XPR1: variants seen among roughly 807,000 people sequenced by gnomAD.
XPR1 encodes solute carrier family 53 member 1.
Under a neutral mutation model 87.5 loss-of-function variants are expected in XPR1, and 28 were observed. The ratio of observed to expected loss-of-function variants is 0.32; its 90% CI spans 0.24 to 0.44. The LOEUF is 0.44. Among genes scored for constraint, XPR1 ranks in the 20% least tolerant of loss-of-function variants. The probability of loss-of-function intolerance (pLI) is 1.00; values close to 1 mark genes in which losing one functional copy is unlikely to be tolerated. For synonymous variants in XPR1, 300 were observed against 306.1 expected (o/e 0.98, Z 0.21); for missense variants, 559 against 862.3 (o/e 0.65, Z 4.41).
chr1:180,822,225 A>C (rs1459495288), intron 7 of XPR1, among the ~76,000 whole-genome samples: 1 of 152,176 alleles, frequency 6.6e-6, no homozygotes, highest in Non-Finnish European at 1.5e-5. Context: ...ACTGCTGACC[A>C]GTTCTTTACC....
intron 1 of XPR1, among the ~76,000 whole-genome samples, chr1:180,657,822 G>T (rs1655588694): frequency 1.3e-5 from 2 of 152,226 alleles, no homozygotes; most frequent in South Asian, 4.1e-4. Flanking sequence ...TTTCTGTGAA[G>T]AATGTCATTG....
At chr1:180,759,260 T>TA (rs1436581484) in intron 2 of XPR1, among the ~76,000 whole-genome samples, 2 of 151,916 alleles carry the variant, frequency 1.3e-5, no homozygotes, top group African/African-American at 4.8e-5. Context: ...AAGAAATAAC[T>TA]AAAATCAGAG....
At chr1:180,701,553 C>G (rs1438173500) in intron 2 of XPR1, among the ~76,000 whole-genome samples, 1 of 140,620 alleles carries the variant, frequency 7.1e-6, no homozygotes, top group East Asian at 2.0e-4. Flanking sequence ...AGCCTTGCAT[C>G]CCAGGGATGA....
intron 3 of XPR1, among the ~76,000 whole-genome samples, chr1:180,798,108 T>G (rs935326166): frequency 6.6e-6 from 1 of 152,054 alleles, no homozygotes; most frequent in Non-Finnish European, 1.5e-5. Flanking sequence ...AATCTCTTAC[T>G]TCAAAACACT....
In XPR1 at chr1:180,825,309, T is replaced by C; in HGVS notation, c.1099T>C (p.Tyr367His). Residue 367 changes from tyrosine (Y) to histidine (H), a missense_variant, in exon 9 of 15, where the codon TAC (tyrosine) becomes CAC (histidine). Transcript: ENST00000367590. ...CCTTATCAACCCCACCAAAACTTTC[T>C]ACTATAAATCCCGGTTTTGGCTGCT... ...FFLINPTKTF[Y>H]YKSRFWLLKL... 1 of 1,613,822 alleles carries C rather than the reference T, an allele frequency of 6.2e-7. No individual in the cohort carries two copies. Among genetic ancestry groups the C allele is most frequent in the Non-Finnish European group, 8.5e-7 (1 of 1,179,934 alleles).
At position 180,885,491 on chromosome 1, in the gene XPR1, C is replaced by T. The variant is rs1652982665; in HGVS notation, c.*1425C>T. The T allele has an allele frequency of 6.6e-6, 1 of 152,134 alleles. No homozygotes were observed. The highest frequency in any genetic ancestry group is 1.5e-5 in the Non-Finnish European group (1 of 68,014). 9.4% of individuals were successfully genotyped at this position (152,134 alleles called of 1,614,324 possible). A position where few individuals can be genotyped will look rare whatever the true frequency, so the allele number is the denominator to read the frequency against. On this transcript the variant is annotated 3_prime_UTR_variant, in exon 15 of 15. Coordinates refer to ENST00000367590, the MANE Select transcript of XPR1 (RefSeq NM_004736.4). ...CTTTGTCTCATTTCTTCCCTTTGTT[C>T]CTTAGTCATCCAAATAAGCCTGAAA... is the stretch of plus-strand genomic sequence containing the variant.
At chr1:180,866,811 A>ATT (rs71121055) in intron 12 of XPR1, among the ~76,000 whole-genome samples, 2,399 of 141,086 alleles carry the variant, frequency 0.017, 71 homozygotes, top group African/African-American at 0.058. Flanking sequence ...TTTTTTTTTA[A>ATT]TTTTTTTTTT....
intron 12 of XPR1, among the ~76,000 whole-genome samples, chr1:180,866,217 A>T (rs1225883934): frequency 7.1e-6 from 1 of 140,088 alleles, no homozygotes; most frequent in South Asian, 2.1e-4. Context: ...GTCTTAAAAA[A>T]AAAAACAAAA....
chr1:180,652,260 C>A (rs923937773), intron 1 of XPR1, among the ~76,000 whole-genome samples: 6 of 151,966 alleles, frequency 3.9e-5, no homozygotes, highest in African/African-American at 1.2e-4. Flanking sequence ...CCATTGCACT[C>A]CAGCCTAGGA....
chr1:180,639,488 A>T (rs1457363784), intron 1 of XPR1, among the ~76,000 whole-genome samples: 1 of 152,236 alleles, frequency 6.6e-6, no homozygotes, highest in Non-Finnish European at 1.5e-5. Context: ...GAAACCAGAT[A>T]TAAATCCTAA....
Position 180,806,146 on chromosome 1 carries a change from G to T in XPR1, c.532G>T (p.Ala178Ser). ...ATCTCGTGGAGCAGATTGGCGAGTG[G>T]CTCACGTAGAGGTGGCCCCATTTTA... is the stretch of plus-strand genomic sequence containing the variant. ...ETSRGADWRV[A>S]HVEVAPFYTC... Residue 178 changes from alanine (A) to serine (S), a missense_variant, in exon 5 of 15, where the codon GCT becomes TCT. Ala to Ser is a moderately conservative substitution (Grantham distance 99). Around this residue, in one of 7 missense-constraint regions of XPR1, gnomAD observed 159 missense variants for 263.3 expected, o/e 0.60. Coordinates refer to ENST00000367590, the MANE Select transcript of XPR1 (RefSeq NM_004736.4). The T allele has an allele frequency of 6.2e-7, 1 of 1,613,716 alleles. No individual in the cohort carries two copies. The highest frequency in any genetic ancestry group is 8.5e-7 in the Non-Finnish European group (1 of 1,179,774).
intron 14 of XPR1, 98 bp downstream of exon 14, chr1:180,880,395 T>C (rs751581368): frequency 7.3e-7 from 1 of 1,364,806 alleles, no homozygotes; most frequent in Non-Finnish European, 1.0e-6. Context: ...CCAAATGAAA[T>C]TGCCAATACT....
chr1:180,838,504 T>A (rs1651386379), intron 11 of XPR1, among the ~76,000 whole-genome samples: 1 of 152,168 alleles, frequency 6.6e-6, no homozygotes, highest in African/African-American at 2.4e-5. Flanking sequence ...AAAACAAATC[T>A]AAAACAAATC....
chr1:180,821,679 C>T (rs913636413), intron 7 of XPR1, among the ~76,000 whole-genome samples: 3 of 152,166 alleles, frequency 2.0e-5, no homozygotes, highest in Non-Finnish European at 4.4e-5. Context: ...AATCCATGAA[C>T]ACAGGATTCT....
intron 12 of XPR1, among the ~76,000 whole-genome samples, chr1:180,866,901 C>A (rs769937): frequency 3.3e-5 from 4 of 121,818 alleles, no homozygotes; most frequent in Non-Finnish European, 5.0e-5. Flanking sequence ...CATGCTGGTG[C>A]GCTGCACCCA....
chr1:180,753,486 G>A (rs920416758), intron 2 of XPR1, among the ~76,000 whole-genome samples: 5 of 151,946 alleles, frequency 3.3e-5, no homozygotes, highest in South Asian at 2.1e-4. Flanking sequence ...CCCAGGAGGC[G>A]GAGGTTGCAG....
At position 180,694,805 on chromosome 1, in the gene XPR1, C is replaced by CACG. The variant is rs1342554067; in HGVS notation, c.121+12395_121+12396insCGA. ...CACACACACACACACACACACACAC[C>CACG]ATGTTTTCTTTATCTGTTCATCTGT... On this transcript the variant is annotated intron_variant, in intron 2 of 14. Transcript: ENST00000367590. 4.2e-5 allele frequency among the ~76,000 whole-genome samples: 6 copies of CACG among 143,972 alleles called. No individual in the cohort carries two copies. In the East Asian group the frequency reaches 9.9e-4, roughly 24 times the overall value. 94.5% of individuals were successfully genotyped at this position (143,972 alleles called of 152,430 possible).
intron 2 of XPR1, among the ~76,000 whole-genome samples, chr1:180,712,725 G>A (rs1365756053): frequency 6.6e-6 from 1 of 152,102 alleles, no homozygotes; most frequent in Non-Finnish European, 1.5e-5. Flanking sequence ...AGAATCGCTT[G>A]AACCTGGGAG....
intron 2 of XPR1, among the ~76,000 whole-genome samples, chr1:180,722,658 C>G (rs1254134333): frequency 2.0e-5 from 3 of 152,124 alleles, no homozygotes; most frequent in Admixed American, 1.3e-4. Flanking sequence ...TTTGAAAAAT[C>G]TTGCCTAAGA....
Sources: gnomAD v4.1 joint callset for allele counts (sites outside exome capture counted in the v4.1 genomes callset) on GRCh38, gnomAD v4.1.1 for gene constraint, gnomAD v4.1.1 regional missense constraint, MANE v1.5 for transcripts, NCBI Gene and HGNC (gene_info 2026-07-23, HGNC 2026-07-21) for gene names.